ALDH3A2: variants seen among roughly 807,000 people sequenced by gnomAD.
The protein encoded by ALDH3A2 is aldehyde dehydrogenase 3 family member A2.
ALDH3A2 carries 36 observed loss-of-function variants against 51.3 expected under a neutral mutation model. The ratio of observed to expected loss-of-function variants is 0.70; its 90% CI spans 0.54 to 0.93. The LOEUF (loss-of-function observed/expected upper bound fraction) is 0.93. ALDH3A2 is among the 40% of genes least tolerant of loss of function. The pLI, the probability that ALDH3A2 is intolerant of heterozygous loss-of-function variation, is 0.00. For synonymous variants in ALDH3A2, 199 were observed against 219.8 expected (o/e 0.91, Z 0.84); for missense variants, 552 against 603.1 (o/e 0.92, Z 0.89).
Position 19,649,027 on chromosome 17 carries a change from C to A in ALDH3A2, c.56C>A (p.Pro19His). 6.3e-7 allele frequency: 1 copy of A among 1,583,078 alleles called. No individual in the cohort carries two copies. Among genetic ancestry groups the A allele is most frequent in the Non-Finnish European group, 8.6e-7 (1 of 1,165,004 alleles). Residue 19 changes from proline (P) to histidine (H), a missense_variant, in exon 1 of 10, where the codon CCT (proline) becomes CAT (histidine). Pro to His is a moderately conservative substitution (Grantham distance 77). Coordinates refer to ENST00000176643, the MANE Select transcript of ALDH3A2 (RefSeq NM_000382.3). ...RQAFLSGRSR[P>H]LRFRLQQLEA... Reference sequence around the variant, plus strand: ...GCGTTCCTGTCCGGCCGGTCGCGACCTCTGCGGTTTCGGCTGCAGCAGCTG... The same window carrying A: ...GCGTTCCTGTCCGGCCGGTCGCGACATCTGCGGTTTCGGCTGCAGCAGCTG...
In ALDH3A2 at chr17:19,656,423, C is replaced by T. The variant is rs72547561; in HGVS notation, c.529C>T (p.Arg177Ter). ...GGAAACCACGGAGCTCCTGAAGCAG[C>T]GATTTGACCACATTTTCTATACGGG... is the stretch of plus-strand genomic sequence containing the variant. ...VEETTELLKQRFDHIFYTGNT... is the reference protein window; with the variant it reads ...VEETTELLKQ The change falls in exon 4 of 10, where the codon CGA (arginine) becomes TGA (stop). Residue 177 changes from arginine to a stop codon, truncating the protein, a stop_gained. Coordinates refer to ENST00000176643, the MANE Select transcript of ALDH3A2 (RefSeq NM_000382.3). LOFTEE classifies it high-confidence loss of function. 1.2e-5 allele frequency: 19 copies of T among 1,614,022 alleles called. No homozygotes were observed. In the Admixed American group the frequency reaches 2.8e-4, roughly 24 times the overall value.
rs745576009 is a variant in ALDH3A2 at position 19,649,080 on chromosome 17, C to A, written c.109C>A (p.Arg37Ser). The change falls in exon 1 of 10, where the codon CGC becomes AGC. Residue 37 changes from arginine to serine, a missense_variant. By Grantham distance (110) the Arg-to-Ser change is moderately radical (BLOSUM62 -1). Transcript: ENST00000176643. ...LEALRRMVQE[R>S]EKDILTAIAA... is the part of the protein sequence containing the mutation. ...GGCCCTGCGGAGGATGGTGCAGGAGCGCGAGAAGGATATCCTGACGGCCAT... is the reference window on the plus strand; with the variant it reads ...GGCCCTGCGGAGGATGGTGCAGGAGAGCGAGAAGGATATCCTGACGGCCAT... 6.9e-6 allele frequency: 11 copies of A among 1,583,154 alleles called. No individual in the cohort carries two copies. The African/African-American group carries it at 1.3e-4, about 19-fold the overall frequency.
At chr17:19,664,367 C>A (rs1033339190) in intron 7 of ALDH3A2, among the ~76,000 whole-genome samples, 11 of 152,148 alleles carry the variant, frequency 7.2e-5, no homozygotes, top group Admixed American at 2.0e-4. Context: ...TTGACGTTTG[C>A]CATGAACAAT....
At chr17:19,655,019 G>A (rs573884992) in intron 3 of ALDH3A2, among the ~76,000 whole-genome samples, 5 of 152,282 alleles carry the variant, frequency 3.3e-5, no homozygotes, top group African/African-American at 9.6e-5. Context: ...ATCAAGAACT[G>A]AATAAAGAAA....
chr17:19,661,363 G>A (rs1372575659), intron 6 of ALDH3A2, 95 bp downstream of exon 6: 3 of 1,384,470 alleles, frequency 2.2e-6, no homozygotes, highest in African/African-American at 1.4e-5. Context: ...TAAATATATA[G>A]CATTTAATTG....
rs992595816 is a variant in ALDH3A2 at position 19,676,756 on chromosome 17, A to G, written c.*1184A>G. On this transcript the variant is annotated 3_prime_UTR_variant, in exon 10 of 10. Coordinates refer to ENST00000176643, the MANE Select transcript of ALDH3A2 (RefSeq NM_000382.3). Reference sequence around the variant, plus strand: ...AGTAGGTCTTCAAGGACAAATCTGTAAGTTTCTTATTTCTGTAGTGCAAGT... The same window carrying G: ...AGTAGGTCTTCAAGGACAAATCTGTGAGTTTCTTATTTCTGTAGTGCAAGT... The G allele has an allele frequency of 3.9e-5, 6 of 152,224 alleles. No individual in the cohort carries two copies. Among genetic ancestry groups the G allele is most frequent in the Non-Finnish European group, 8.8e-5 (6 of 68,038 alleles). The allele number at this position is 152,224 out of a possible 1,614,324, so 9.4% of individuals were successfully genotyped here.
intron 9 of ALDH3A2, among the ~76,000 whole-genome samples, chr17:19,672,959 T>C (rs2085137874): frequency 6.6e-6 from 1 of 152,092 alleles, no homozygotes; most frequent in African/African-American, 2.4e-5. Context: ...GAGAATCACT[T>C]GAACCCGGGA....
intron 9 of ALDH3A2, chr17:19,674,652 A>G (rs976030126): frequency 6.6e-6 from 1 of 152,098 alleles, no homozygotes; most frequent in Admixed American, 6.5e-5. Flanking sequence ...CTCAATTCTC[A>G]TTACTAATAG....
rs992100524 is a variant in ALDH3A2, at chr17:19,654,733, C to T, written c.472-1633C>T. ...TTCCCACAAGCAGAAGGAGCCGGCT[C>T]CAGCCTTGGCCAGCCCAGAGAGGGG... On this transcript the variant is annotated intron_variant, in intron 3 of 9. Transcript: ENST00000176643. This position sits in a 1 kb window ranked among gnomAD's most constrained non-coding sequence, Gnocchi z 4.5. Among the ~76,000 whole-genome samples, 1 of 152,034 alleles carries T rather than the reference C, an allele frequency of 6.6e-6. No homozygotes were observed. The highest frequency in any genetic ancestry group is 2.4e-5 in the African/African-American group (1 of 41,416).
rs2084991355 is a variant in ALDH3A2, at chr17:19,663,325, C to A, written c.941-8C>A. ...TAAGCATTTTCATTTTGTTTATTTT[C>A]TTTTTAGCCCCAACAGTACTTACCG... On this transcript the variant is annotated splice_region_variant and splice_polypyrimidine_tract_variant and intron_variant, in intron 6 of 9. Transcript: ENST00000176643. 23 of 1,613,702 alleles carry A rather than the reference C, an allele frequency of 1.4e-5. No homozygotes were observed. Among genetic ancestry groups the A allele is most frequent in the Non-Finnish European group, 1.9e-5 (23 of 1,179,862 alleles).
Position 19,651,744 on chromosome 17 carries a change from C to A in ALDH3A2, c.351C>A (p.Leu117=). 1 of 1,614,208 alleles carries A rather than the reference C, an allele frequency of 6.2e-7. No individual in the cohort carries two copies. The highest frequency in any genetic ancestry group is 1.1e-5 in the South Asian group (1 of 91,078). The change falls in exon 2 of 10, where the codon CTC becomes CTA. Residue 117 remains leucine (L), a synonymous_variant. Transcript: ENST00000176643. ...GAGCTTGGAATTACCCCTTCGTTCT[C>A]ACCATTCAGCCACTGATAGGAGCCA... The part of the protein sequence containing the change: ...IIGAWNYPFV[L]TIQPLIGAIA...
At position 19,675,686 on chromosome 17, in the gene ALDH3A2, C is replaced by G. The variant is rs764022352; in HGVS notation, c.*114C>G. The G allele has an allele frequency of 1.3e-5, 16 of 1,212,328 alleles. No homozygotes were observed. The highest frequency in any genetic ancestry group is 1.9e-4 in the Middle Eastern group (1 of 5,266). 75.1% of individuals were successfully genotyped at this position (1,212,328 alleles called of 1,614,324 possible). On this transcript the variant is annotated 3_prime_UTR_variant, in exon 10 of 10. Transcript: ENST00000176643. ...AAAATAGTAAGAAAATATGCAAACA[C>G]TCTGTGATCAAACTTAAAAGTCATT... is the stretch of plus-strand genomic sequence containing the variant.
In ALDH3A2 at chr17:19,671,895, A is replaced by C. The variant is rs1222965390; in HGVS notation, c.1382A>C (p.Lys461Thr). Residue 461 changes from lysine to threonine, a missense_variant, in exon 9 of 10, where the codon AAA (lysine) becomes ACA (threonine). By Grantham distance (78) the Lys-to-Thr change is moderately conservative. Transcript: ENST00000176643. ...GKFFLLKRFN[K>T]EKLGLLLLTF... ...TTTTTTCTCTTGAAACGGTTCAACA[A>C]AGAAAAACTCGGTCTCCTGTTGCTC... is the stretch of plus-strand genomic sequence containing the variant. 9 of 1,614,100 alleles carry C rather than the reference A, an allele frequency of 5.6e-6. No individual in the cohort carries two copies. In the South Asian group the frequency reaches 9.9e-5, roughly 18 times the overall value.
At position 19,656,543 on chromosome 17, in the gene ALDH3A2, G is replaced by T; in HGVS notation, c.649G>T (p.Asp217Tyr). 1 of 1,613,754 alleles carries T rather than the reference G, an allele frequency of 6.2e-7. No individual in the cohort carries two copies. Among genetic ancestry groups the T allele is most frequent in the Non-Finnish European group, 8.5e-7 (1 of 1,179,860 alleles). ...GGGAGGGAAAAGTCCATGTTATATT[G>T]ATAAAGATTGTGACCTGGACATTGT... Reference protein sequence around the residue: ...ELGGKSPCYIDKDCDLDIVCR... With the variant: ...ELGGKSPCYIYKDCDLDIVCR... The change falls in exon 4 of 10, where the codon GAT becomes TAT. Residue 217 changes from aspartate (D) to tyrosine (Y), a missense_variant. By Grantham distance (160) the Asp-to-Tyr change is radical (BLOSUM62 -3). Transcript: ENST00000176643.
At chr17:19,664,801 C>T (rs2085012962) in intron 7 of ALDH3A2, 147 bp from the exon 8 acceptor site, 1 of 679,672 alleles carries the variant, frequency 1.5e-6, no homozygotes, top group Non-Finnish European at 2.7e-6. Flanking sequence ...GCATGGTGTC[C>T]CCAAACTCGA....
In ALDH3A2 at chr17:19,676,687, TATAAAC is replaced by T. The variant is rs1252571209; in HGVS notation, c.*1119_*1124del. 2.6e-5 allele frequency: 4 copies of T among 152,198 alleles called. No individual in the cohort carries two copies. The highest frequency in any genetic ancestry group is 4.4e-5 in the Non-Finnish European group (3 of 68,034). The allele number at this position is 152,198 out of a possible 1,614,324, so 9.4% of individuals were successfully genotyped here. A position where few individuals can be genotyped will look rare whatever the true frequency, so the allele number is the denominator to read the frequency against. Reference sequence around the variant, plus strand: ...TAAAAAATACTGTAATAAAAGTACTTATAAACATACTAATCCTCTTTCAGGACCCTA... The same window carrying T: ...TAAAAAATACTGTAATAAAAGTACTTATACTAATCCTCTTTCAGGACCCTA... On this transcript the variant is annotated 3_prime_UTR_variant, in exon 10 of 10. Transcript: ENST00000176643.
intron 4 of ALDH3A2, 71 bp from the exon 5 acceptor site, chr17:19,657,674 A>G (rs781529693): frequency 3.0e-5 from 35 of 1,166,874 alleles, no homozygotes; most frequent in Non-Finnish European, 3.3e-5. Context: ...CATTCAAACA[A>G]CACAATGTAA....
chr17:19,667,226 T>A (rs1597568608), intron 8 of ALDH3A2, among the ~76,000 whole-genome samples: 1 of 152,364 alleles, frequency 6.6e-6, no homozygotes, highest in Non-Finnish European at 1.5e-5. Context: ...CACTTTTCCA[T>A]GTCAATATTC....
chr17:19,667,454 GA>G (rs973975776), intron 8 of ALDH3A2, among the ~76,000 whole-genome samples: 1 of 151,910 alleles, frequency 6.6e-6, no homozygotes, highest in Non-Finnish European at 1.5e-5. Context: ...TTTCCAAATT[GA>G]AAAAAATGCT....
Sources: gnomAD v4.1 joint callset for allele counts (sites outside exome capture counted in the v4.1 genomes callset) on GRCh38, gnomAD v4.1.1 for gene constraint, Gnocchi (gnomAD v3.1) non-coding constraint, MANE v1.5 for transcripts, NCBI Gene and HGNC (gene_info 2026-07-23, HGNC 2026-07-21) for gene names.